Variants in SENP7 observed in about 807,000 individuals in gnomAD.
SENP7 encodes SUMO specific peptidase 7, also known as sentrin-specific protease 7.
A neutral mutation model predicts 141.2 loss-of-function variants in SENP7; 64 were observed. The observed-to-expected ratio is 0.45, with a 90% confidence interval of 0.37 to 0.56. The LOEUF is 0.56. Among genes scored for constraint, SENP7 ranks in the 20% least tolerant of loss-of-function variants. The probability of loss-of-function intolerance (pLI) is 0.00; values close to 1 mark genes in which losing one functional copy is unlikely to be tolerated. For synonymous variants in SENP7, 382 were observed against 426.4 expected (o/e 0.90, Z 1.28); for missense variants, 1,025 against 1,212.2 (o/e 0.85, Z 2.29).
rs2060196517 is a variant in SENP7, at chr3:101,372,072, G to A, written c.732C>T (p.His244=). The A allele has an allele frequency of 6.4e-7, 1 of 1,568,966 alleles. No individual in the cohort carries two copies. The highest frequency in any genetic ancestry group is 1.2e-5 in the South Asian group (1 of 83,492). The change falls in exon 7 of 24, where the codon CAC becomes CAT. Residue 244 remains histidine (H), a synonymous_variant. Transcript: ENST00000394095. ...VDDNSAKQTA[H]NKEKRRKDDG... ...CATCCTTTCTTCGTTTTTCTTTATT[G>A]TGCGCAGTCTGCTTTGCAGAATTGT...
chr3:101,431,853 C>A (rs2062190418), intron 4 of SENP7, among the ~76,000 whole-genome samples: 1 of 143,318 alleles, frequency 7.0e-6, no homozygotes, highest in Non-Finnish European at 1.5e-5. Flanking sequence ...TGTTACTTGA[C>A]AACTGGCCAA....
chr3:101,433,946 A>T (rs1288833994), intron 4 of SENP7, among the ~76,000 whole-genome samples: 1 of 148,860 alleles, frequency 6.7e-6, no homozygotes, highest in Non-Finnish European at 1.5e-5. Flanking sequence ...TCTAATACAC[A>T]TTTATAGGCC....
chr3:101,499,352 T>C (rs185263785), intron 2 of SENP7, among the ~76,000 whole-genome samples: 2 of 152,064 alleles, frequency 1.3e-5, no homozygotes, highest in East Asian at 3.9e-4. Flanking sequence ...ATAGTATTCA[T>C]CCTGGCAATG....
intron 3 of SENP7, among the ~76,000 whole-genome samples, chr3:101,482,812 TAC>T (rs992982368): frequency 8.0e-4 from 121 of 152,142 alleles, no homozygotes; most frequent in African/African-American, 2.8e-3. Flanking sequence ...CCCAAATAAA[TAC>T]AGTCAACTGA....
At chr3:101,482,946 A>G (rs2064559645) in intron 3 of SENP7, among the ~76,000 whole-genome samples, 1 of 152,138 alleles carries the variant, frequency 6.6e-6, no homozygotes. Context: ...CAAAACAACA[A>G]CAACGAATGC....
intron 1 of SENP7, among the ~76,000 whole-genome samples, chr3:101,504,296 C>T (rs1012045487): frequency 7.0e-6 from 1 of 142,446 alleles, no homozygotes; most frequent in Non-Finnish European, 1.5e-5. Flanking sequence ...ATTAAAAATA[C>T]AAAAAAAAAA....
Position 101,361,738 on chromosome 3 carries a change from CTTTTA to C in SENP7, c.1595_1599del (p.Ile532ArgfsTer4). 6.3e-7 allele frequency: 1 copy of C among 1,581,448 alleles called. No homozygotes were observed. The highest frequency in any genetic ancestry group is 8.6e-7 in the Non-Finnish European group (1 of 1,168,428). On this transcript the variant is annotated frameshift_variant, in exon 11 of 24. Transcript: ENST00000394095. LOFTEE classifies it high-confidence loss of function. Reference sequence around the variant, plus strand: ...ACTGTAACACAACCTTTAGAAGCTCCTTTTATTTTACCAATATAAACAGAAGTAAA... The same window carrying C: ...ACTGTAACACAACCTTTAGAAGCTCCTTTTACCAATATAAACAGAAGTAAA...
intron 2 of SENP7, among the ~76,000 whole-genome samples, chr3:101,495,405 T>C (rs540483697): frequency 6.6e-6 from 1 of 152,276 alleles, no homozygotes; most frequent in South Asian, 2.1e-4. Context: ...ACTGGGTATA[T>C]ACCCAAAGGA....
intron 5 of SENP7, among the ~76,000 whole-genome samples, chr3:101,402,195 T>C (rs866047302): frequency 1.3e-5 from 2 of 152,184 alleles, no homozygotes; most frequent in Middle Eastern, 3.4e-3. Context: ...AGGAATTCCA[T>C]ACCTAGAAAG....
rs567852538 is a variant in SENP7 at position 101,401,527 on chromosome 3, T to G, written c.483-2472A>C. 6.6e-4 allele frequency among the ~76,000 whole-genome samples: 76 copies of G among 114,444 alleles called. 1 individual carries two copies. In the East Asian group the frequency reaches 0.019, roughly 28 times the overall value. The allele number at this position is 114,444 out of a possible 152,430, so 75.1% of individuals were successfully genotyped here. A position where few individuals can be genotyped will look rare whatever the true frequency, so the allele number is the denominator to read the frequency against. On this transcript the variant is annotated intron_variant, in intron 5 of 23. Coordinates refer to ENST00000394095, the MANE Select transcript of SENP7 (RefSeq NM_020654.5). ...CTGGGCGACAGAGCAACACTCCATC[T>G]CAAAAAAAAAAAGGAAAAAAAAGGA...
intron 19 of SENP7, 33 bp downstream of exon 19, chr3:101,331,949 CATT>C: frequency 6.2e-7 from 1 of 1,601,440 alleles, no homozygotes; most frequent in Non-Finnish European, 8.5e-7. Context: ...TTATTGTCAT[CATT>C]ATTAAAAACA....
At chr3:101,511,680 T>C (rs1181638901) in intron 1 of SENP7, among the ~76,000 whole-genome samples, 4 of 152,264 alleles carry the variant, frequency 2.6e-5, no homozygotes. Flanking sequence ...AAAAGGGATT[T>C]CAGGTTTTCA....
chr3:101,492,737 C>T (rs185498152), intron 3 of SENP7, among the ~76,000 whole-genome samples: 1 of 152,292 alleles, frequency 6.6e-6, no homozygotes, highest in East Asian at 1.9e-4. Flanking sequence ...ATGGCTCATA[C>T]CTCTAATCCC....
chr3:101,374,456 T>C (rs1201405580), intron 6 of SENP7, among the ~76,000 whole-genome samples: 1 of 152,162 alleles, frequency 6.6e-6, no homozygotes, highest in Admixed American at 6.5e-5. Flanking sequence ...TTGGAGTTCA[T>C]TAAAATTGAA....
At position 101,398,922 on chromosome 3, in the gene SENP7, C is replaced by A; in HGVS notation, c.616G>T (p.Asp206Tyr). The A allele has an allele frequency of 2.5e-6, 4 of 1,612,602 alleles. No individual in the cohort carries two copies. Among genetic ancestry groups the A allele is most frequent in the East Asian group, 2.2e-5 (1 of 44,834 alleles). The change falls in exon 6 of 24, where the codon GAT (aspartate) becomes TAT (tyrosine). Residue 206 changes from aspartate to tyrosine, a missense_variant. Asp to Tyr is a radical substitution (Grantham distance 160). Around this residue, in one of 4 missense-constraint regions of SENP7, gnomAD observed 496 missense variants for 503.5 expected, o/e 0.99. Transcript: ENST00000394095. ...LQSEQLSSSS[D>Y]GSLESYQNLN... ...TTTTGATAAGATTCTAGGCTGCCAT[C>A]AGATGATGAAGAAAGTTGCTCTGAT...
At chr3:101,357,701 A>G in intron 11 of SENP7, 3 of 703,596 alleles carry the variant, frequency 4.3e-6, no homozygotes, top group Non-Finnish European at 7.8e-6. Flanking sequence ...TAAATATGTG[A>G]AAGTCTCTCA....
At chr3:101,454,108 G>A (rs768315162) in intron 4 of SENP7, among the ~76,000 whole-genome samples, 3 of 152,124 alleles carry the variant, frequency 2.0e-5, no homozygotes, top group African/African-American at 4.8e-5. Flanking sequence ...ATGCAAAATC[G>A]TACAGTCATT....
At chr3:101,509,147 C>G (rs183272127) in intron 1 of SENP7, among the ~76,000 whole-genome samples, 372 of 152,176 alleles carry the variant, frequency 2.4e-3, no homozygotes, top group African/African-American at 8.8e-3. Flanking sequence ...TCCCTCTCCA[C>G]CCCTTTCCCA....
chr3:101,383,533 C>T (rs2060566072), intron 6 of SENP7, among the ~76,000 whole-genome samples: 1 of 152,200 alleles, frequency 6.6e-6, no homozygotes, highest in Admixed American at 6.5e-5. Context: ...GGCCCCCATG[C>T]CCCCGCACAC....
Sources: gnomAD v4.1 joint callset for allele counts (sites outside exome capture counted in the v4.1 genomes callset) on GRCh38, gnomAD v4.1.1 for gene constraint, gnomAD v4.1.1 regional missense constraint, MANE v1.5 for transcripts, NCBI Gene and HGNC (gene_info 2026-07-23, HGNC 2026-07-21) for gene names.